The following PRKCA variants were observed in gnomAD, a reference collection of about 807,000 sequenced individuals.
The protein encoded by PRKCA is protein kinase C alpha type.
In PRKCA, 27 loss-of-function variants were observed where a neutral mutation model predicts 87.0. The ratio of observed to expected loss-of-function variants is 0.31; its 90% CI spans 0.23 to 0.43. The LOEUF is 0.43. Ranked by LOEUF, PRKCA falls within the 20% of genes least tolerant of loss-of-function variation. The probability of loss-of-function intolerance (pLI) is 1.00; values close to 1 mark genes in which losing one functional copy is unlikely to be tolerated. For synonymous variants in PRKCA, 329 were observed against 311.1 expected (o/e 1.06, Z -0.61); for missense variants, 518 against 852.3 (o/e 0.61, Z 4.88).
chr17:66,471,645 ATT>A (rs554913573), intron 2 of PRKCA, among the ~76,000 whole-genome samples: 100 of 137,724 alleles, frequency 7.3e-4, no homozygotes, highest in Non-Finnish European at 7.8e-4. Context: ...CTGTTTTCTA[ATT>A]TTTTTTTTTT....
At chr17:66,618,296 A>G (rs1357774683) in intron 3 of PRKCA, among the ~76,000 whole-genome samples, 1 of 151,320 alleles carries the variant, frequency 6.6e-6, no homozygotes. Flanking sequence ...CAGAGGTTGC[A>G]GTGAGCTGAG....
At chr17:66,388,290 T>C (rs1320941835) in intron 2 of PRKCA, among the ~76,000 whole-genome samples, 1 of 152,132 alleles carries the variant, frequency 6.6e-6, no homozygotes, top group Non-Finnish European at 1.5e-5. Flanking sequence ...CCATCGATAC[T>C]TACCTCTTTT....
At chr17:66,571,769 TAA>T (rs2143395387) in intron 3 of PRKCA, among the ~76,000 whole-genome samples, 1 of 152,270 alleles carries the variant, frequency 6.6e-6, no homozygotes, top group African/African-American at 2.4e-5. Context: ...GTAGAGCAGA[TAA>T]AAGACCACTC....
chr17:66,669,868 C>T (rs536956008), intron 5 of PRKCA, among the ~76,000 whole-genome samples: 1 of 152,196 alleles, frequency 6.6e-6, no homozygotes, highest in East Asian at 1.9e-4. Context: ...CGCCACTGCA[C>T]CCCAGCCTGG....
Position 66,530,825 on chromosome 17 carries a change from G to C in PRKCA, c.288+34542G>C, listed in dbSNP as rs1219607286. On this transcript the variant is annotated intron_variant, in intron 3 of 16. Coordinates refer to ENST00000413366, the MANE Select transcript of PRKCA (RefSeq NM_002737.3). ...AATATTGCTTCCCTGCGTTTCAGAG[G>C]TGGTAATATTGGGGCAAGTGGTGGA... Among the ~76,000 whole-genome samples the C allele has an allele frequency of 5.3e-5, 8 of 151,850 alleles. 1 individual carries two copies. The highest frequency in any genetic ancestry group is 2.9e-5 in the Non-Finnish European group (2 of 68,006).
chr17:66,439,574 G>A (rs945201722), intron 2 of PRKCA, among the ~76,000 whole-genome samples: 18 of 152,058 alleles, frequency 1.2e-4, no homozygotes, highest in African/African-American at 3.4e-4. Context: ...TCCAAAATAC[G>A]TGTCTCTCAA....
At chr17:66,670,381 A>G (rs778758341) in intron 5 of PRKCA, among the ~76,000 whole-genome samples, 10 of 152,224 alleles carry the variant, frequency 6.6e-5, no homozygotes, top group Non-Finnish European at 1.5e-4. Flanking sequence ...TTTTACAGTA[A>G]CAAAAAGAGG....
intron 2 of PRKCA, among the ~76,000 whole-genome samples, chr17:66,481,306 A>G (rs961302306): frequency 2.0e-5 from 3 of 152,006 alleles, no homozygotes; most frequent in Admixed American, 6.6e-5. Context: ...GGATGTAGCT[A>G]TTGCTCGATA....
At chr17:66,387,450 G>T (rs1910125859) in intron 2 of PRKCA, among the ~76,000 whole-genome samples, 2 of 152,180 alleles carry the variant, frequency 1.3e-5, no homozygotes, top group South Asian at 4.1e-4. Flanking sequence ...GAAGGATCTG[G>T]TGTCCTGGGA....
chr17:66,787,012 A>G (rs377460267), intron 15 of PRKCA, 38 bp downstream of exon 15: 2 of 1,404,844 alleles, frequency 1.4e-6, no homozygotes, highest in East Asian at 2.3e-5. Flanking sequence ...TCATGGACCA[A>G]GAGCTTTGGT....
chr17:66,713,438 C>T (rs573899973), intron 8 of PRKCA, among the ~76,000 whole-genome samples: 18 of 152,240 alleles, frequency 1.2e-4, no homozygotes, highest in Admixed American at 5.2e-4. Flanking sequence ...TAGGAATCTG[C>T]TCCCCGTACC....
rs201499244 is a variant in PRKCA, at chr17:66,418,239, C to T, written c.206-77962C>T. On this transcript the variant is annotated intron_variant, in intron 2 of 16. Transcript: ENST00000413366. Reference sequence around the variant, plus strand: ...AAAACTGCCTACTTGTGTGTGTGCGCGTATGTGTATAGTAAATGTATATAT... The same window carrying T: ...AAAACTGCCTACTTGTGTGTGTGCGTGTATGTGTATAGTAAATGTATATAT... Among the ~76,000 whole-genome samples, 42 of 152,068 alleles carry T rather than the reference C, an allele frequency of 2.8e-4. No homozygotes were observed. In the South Asian group the frequency reaches 4.6e-3, roughly 17 times the overall value.
intron 2 of PRKCA, among the ~76,000 whole-genome samples, chr17:66,336,295 T>G (rs1016935649): frequency 2.6e-5 from 4 of 152,236 alleles, no homozygotes; most frequent in African/African-American, 9.6e-5. Flanking sequence ...AATTAAACAA[T>G]TGATAGGTGC....
chr17:66,777,727 A>T (rs1158535385), intron 14 of PRKCA: 1 of 985,246 alleles, frequency 1.0e-6, no homozygotes, highest in Non-Finnish European at 1.2e-6. Context: ...TAAGAGTCAC[A>T]TTTGCATATG....
chr17:66,706,266 A>G (rs1261463397), intron 8 of PRKCA, among the ~76,000 whole-genome samples: 9 of 152,302 alleles, frequency 5.9e-5, no homozygotes, highest in East Asian at 1.9e-4. Context: ...CAGTACCCAT[A>G]TTAAATAGCG....
At chr17:66,504,751 T>G (rs1239143506) in intron 3 of PRKCA, among the ~76,000 whole-genome samples, 1 of 152,236 alleles carries the variant, frequency 6.6e-6, no homozygotes, top group Non-Finnish European at 1.5e-5. Flanking sequence ...TGTATTTCAA[T>G]TCTTTTCATC....
At chr17:66,339,328 A>T (rs550360322) in intron 2 of PRKCA, among the ~76,000 whole-genome samples, 2 of 152,320 alleles carry the variant, frequency 1.3e-5, no homozygotes, top group Admixed American at 6.5e-5. Context: ...TTCTTTTAAA[A>T]TTAACGCCTT....
chr17:66,487,186 T>C (rs1916021233), intron 2 of PRKCA, among the ~76,000 whole-genome samples: 1 of 152,136 alleles, frequency 6.6e-6, no homozygotes, highest in South Asian at 2.1e-4. Flanking sequence ...TTCATCCCTT[T>C]CTCCTCTTTT....
intron 2 of PRKCA, among the ~76,000 whole-genome samples, chr17:66,338,059 GT>G (rs1461887728): frequency 1.4e-4 from 20 of 145,104 alleles, no homozygotes; most frequent in African/African-American, 5.4e-4. Flanking sequence ...GGTTGGAGAG[GT>G]AGTTTTAACC....
Sources: gnomAD v4.1 joint callset for allele counts (sites outside exome capture counted in the v4.1 genomes callset) on GRCh38, gnomAD v4.1.1 for gene constraint, MANE v1.5 for transcripts, NCBI Gene and HGNC (gene_info 2026-07-23, HGNC 2026-07-21) for gene names.